Variants in ZNF461 observed in about 807,000 individuals in gnomAD.
ZNF461 encodes zinc finger protein 461, also known as gonadotropin-inducible ovarian transcription factor-1.
Under a neutral mutation model 18.3 loss-of-function variants are expected in ZNF461, and 16 were observed. The ratio of observed to expected loss-of-function variants is 0.88; its 90% CI spans 0.59 to 1.33. The LOEUF (loss-of-function observed/expected upper bound fraction) is 1.33. Ranked by LOEUF, ZNF461 falls within the 40% of genes most tolerant of loss-of-function variation. The pLI, the probability that ZNF461 is intolerant of heterozygous loss-of-function variation, is 0.00. For synonymous variants in ZNF461, 179 were observed against 216.9 expected (o/e 0.83, Z 1.54); for missense variants, 595 against 669.9 (o/e 0.89, Z 1.23).
At chr19:36,652,902 T>C (rs1485547110) in intron 4 of ZNF461, among the ~76,000 whole-genome samples, 1 of 152,074 alleles carries the variant, frequency 6.6e-6, no homozygotes, top group Non-Finnish European at 1.5e-5. Context: ...AACTCAACAA[T>C]ATAAAACTAA....
At chr19:36,650,052 G>A (rs2037599701) in intron 4 of ZNF461, among the ~76,000 whole-genome samples, 1 of 152,072 alleles carries the variant, frequency 6.6e-6, no homozygotes, top group Non-Finnish European at 1.5e-5. Context: ...GTGGGTACCT[G>A]TAATCCCAGC....
intron 5 of ZNF461, among the ~76,000 whole-genome samples, chr19:36,642,426 C>T (rs1179283870): frequency 1.3e-5 from 2 of 152,016 alleles, no homozygotes; most frequent in Non-Finnish European, 2.9e-5. Context: ...ATGCCTGGGG[C>T]TTTCTATCCT....
chr19:36,654,447 G>A (rs2037681619), intron 4 of ZNF461, among the ~76,000 whole-genome samples: 1 of 152,056 alleles, frequency 6.6e-6, no homozygotes, highest in Admixed American at 6.6e-5. Flanking sequence ...GCTCTCTGCA[G>A]CCTTGACCTC....
At position 36,658,381 on chromosome 19, in the gene ZNF461, C is replaced by T. The variant is rs1364162860; in HGVS notation, c.54G>A (p.Glu18=). 2 of 1,611,634 alleles carry T rather than the reference C, an allele frequency of 1.2e-6. No individual in the cohort carries two copies. The highest frequency in any genetic ancestry group is 1.7e-6 in the Non-Finnish European group (2 of 1,178,644). The change falls in exon 3 of 6, where the codon GAG becomes GAA. Residue 18 remains glutamate, a synonymous_variant. Transcript: ENST00000588268. Reference sequence around the variant, plus strand: ...GCGCTGGGTTCAGGCATTCCCATTCCTCCTGAGAGACATCTATAGCCACAT... The same window carrying T: ...GCGCTGGGTTCAGGCATTCCCATTCTTCCTGAGAGACATCTATAGCCACAT... ...FRDVAIDVSQ[E]EWECLNPAQR... is the part of the protein sequence containing the mutation.
chr19:36,652,329 T>TA (rs112406782), intron 4 of ZNF461, among the ~76,000 whole-genome samples: 28,661 of 138,760 alleles, frequency 0.21, 2,835 homozygotes, highest in Middle Eastern at 0.26. Context: ...CCGCCTCTAC[T>TA]AAAAAAAAAA....
chr19:36,643,013 C>T (rs1440671410), intron 5 of ZNF461, among the ~76,000 whole-genome samples: 1 of 152,154 alleles, frequency 6.6e-6, no homozygotes, highest in East Asian at 1.9e-4. Flanking sequence ...AGGCCATCCA[C>T]CCGCCTTGGC....
intron 4 of ZNF461, among the ~76,000 whole-genome samples, chr19:36,646,977 A>C (rs755792421): frequency 1.3e-5 from 2 of 152,202 alleles, no homozygotes; most frequent in African/African-American, 4.8e-5. Flanking sequence ...GTTTTTAAGA[A>C]TATAAAGGCA....
At chr19:36,652,739 TC>T (rs776104291) in intron 4 of ZNF461, among the ~76,000 whole-genome samples, 3 of 152,008 alleles carry the variant, frequency 2.0e-5, no homozygotes, top group Non-Finnish European at 4.4e-5. Context: ...CCCGCTGGGG[TC>T]CCCTTCCATG....
rs753278287 is a variant in ZNF461 at position 36,639,317 on chromosome 19, TGA to T, written c.1026_1027del (p.Phe342LeufsTer4). The T allele has an allele frequency of 9.9e-6, 16 of 1,613,940 alleles. No individual in the cohort carries two copies. Among genetic ancestry groups the T allele is most frequent in the Non-Finnish European group, 1.4e-5 (16 of 1,180,002 alleles). The stretch of plus-strand genomic sequence containing the variant: ...ATGGAGTCGCAGGTGTTCAGTAAGT[TGA>T]AAGCCACGAATAAAAGCCTTCCCAC... On this transcript the variant is annotated frameshift_variant, in exon 6 of 6. Coordinates refer to ENST00000588268, the MANE Select transcript of ZNF461 (RefSeq NM_153257.5). LOFTEE classifies it low-confidence loss of function (END_TRUNC).
At chr19:36,661,010 T>C (rs905913224) in intron 2 of ZNF461, among the ~76,000 whole-genome samples, 2 of 152,140 alleles carry the variant, frequency 1.3e-5, no homozygotes, top group Non-Finnish European at 1.5e-5. Context: ...CAGTTGTGTC[T>C]GGCGCAGTGG....
At chr19:36,648,673 A>G (rs1479155721) in intron 4 of ZNF461, among the ~76,000 whole-genome samples, 3 of 152,104 alleles carry the variant, frequency 2.0e-5, no homozygotes, top group Admixed American at 2.0e-4. Context: ...TTCGCCTCCC[A>G]GGTTCAAGTG....
intron 2 of ZNF461, among the ~76,000 whole-genome samples, chr19:36,660,213 GA>G (rs1459090678): frequency 7.1e-6 from 1 of 140,568 alleles, no homozygotes; most frequent in East Asian, 2.2e-4. Flanking sequence ...GCAGTGGCAT[GA>G]TCTCAGCTCA....
Position 36,664,740 on chromosome 19 carries a change from C to T in ZNF461, c.-34G>A. 4 of 1,453,228 alleles carry T rather than the reference C, an allele frequency of 2.8e-6. No homozygotes were observed. The highest frequency in any genetic ancestry group is 3.6e-6 in the Non-Finnish European group (4 of 1,102,266). The allele number at this position is 1,453,228 out of a possible 1,614,324, so 90.0% of individuals were successfully genotyped here. On this transcript the variant is annotated 5_prime_UTR_variant, in exon 2 of 6. Coordinates refer to ENST00000588268, the MANE Select transcript of ZNF461 (RefSeq NM_153257.5). ...TTAGAATTGAATGTATTATTTAATC[C>T]TCTTCTTCGTTCCCTCTGGAAGAAA...
rs1438146250 is a variant in ZNF461, at chr19:36,636,850, G to A, written c.*1803C>T. Reference sequence around the variant, plus strand: ...TTCTTTTACTTATCAGAGAGCAGCTGTGGGGAGTGGGCCTAACTAGAAGCC... The same window carrying A: ...TTCTTTTACTTATCAGAGAGCAGCTATGGGGAGTGGGCCTAACTAGAAGCC... On this transcript the variant is annotated 3_prime_UTR_variant, in exon 6 of 6. Transcript: ENST00000588268. Among the ~76,000 whole-genome samples the A allele has an allele frequency of 6.6e-6, 1 of 152,238 alleles. No homozygotes were observed. The highest frequency in any genetic ancestry group is 2.4e-5 in the African/African-American group (1 of 41,466).
At chr19:36,649,201 G>A (rs921377646) in intron 4 of ZNF461, among the ~76,000 whole-genome samples, 1 of 152,106 alleles carries the variant, frequency 6.6e-6, no homozygotes, top group Non-Finnish European at 1.5e-5. Context: ...AGGAGAAAAG[G>A]CAATCAACTA....
intron 3 of ZNF461, among the ~76,000 whole-genome samples, chr19:36,657,166 C>T (rs916723254): frequency 2.6e-5 from 4 of 151,390 alleles, no homozygotes; most frequent in African/African-American, 9.7e-5. Context: ...TTAAAAATAA[C>T]TTCCAAAGGC....
chr19:36,651,107 TG>T (rs1281452224), intron 4 of ZNF461, among the ~76,000 whole-genome samples: 1 of 151,862 alleles, frequency 6.6e-6, no homozygotes, highest in African/African-American at 2.4e-5. Context: ...GGCAGACGCC[TG>T]TAGTGCCAGC....
intron 3 of ZNF461, 100 bp downstream of exon 3, chr19:36,658,199 C>A: frequency 2.4e-6 from 3 of 1,260,396 alleles, no homozygotes; most frequent in South Asian, 3.1e-5. Context: ...GAAAGCTAGC[C>A]CTAAATTAAT....
In ZNF461 at chr19:36,658,357, C is replaced by T. The variant is rs371858740; in HGVS notation, c.78G>A (p.Ala26=). The change falls in exon 3 of 6, where the codon GCG becomes GCA. Residue 26 remains alanine, a synonymous_variant. Coordinates refer to ENST00000588268, the MANE Select transcript of ZNF461 (RefSeq NM_153257.5). ...SQEEWECLNP[A]QRNLYKEVML... Reference sequence around the variant, plus strand: ...TCACCTCCTTGTACAAATTCCTCTGCGCTGGGTTCAGGCATTCCCATTCCT... The same window carrying T: ...TCACCTCCTTGTACAAATTCCTCTGTGCTGGGTTCAGGCATTCCCATTCCT... 2.5e-5 allele frequency: 40 copies of T among 1,611,266 alleles called. No individual in the cohort carries two copies. Among genetic ancestry groups the T allele is most frequent in the African/African-American group, 2.3e-4 (17 of 74,992 alleles).
Sources: allele counts gnomAD v4.1 joint callset (sites outside exome capture counted in the v4.1 genomes callset), GRCh38; gene constraint gnomAD v4.1.1; transcripts MANE v1.5; gene names NCBI Gene and HGNC (gene_info 2026-07-23, HGNC 2026-07-21).